Variants in EPB41L3 observed in about 807,000 individuals in gnomAD.
EPB41L3 encodes the protein band 4.1-like protein 3.
In EPB41L3, 57 loss-of-function variants were observed where a neutral mutation model predicts 127.1. The observed-to-expected ratio is 0.45, with a 90% CI of 0.36 to 0.56. EPB41L3 has a LOEUF of 0.56. Among genes scored for constraint, EPB41L3 ranks in the 20% least tolerant of loss-of-function variants. The pLI is 0.00. For synonymous variants in EPB41L3, 572 were observed against 549.5 expected (o/e 1.04, Z -0.57); for missense variants, 1,273 against 1,372.2 (o/e 0.93, Z 1.14).
At chr18:5,588,642 A>G (rs1440547937) in intron 3 of EPB41L3, among the ~76,000 whole-genome samples, 2 of 152,042 alleles carry the variant, frequency 1.3e-5, no homozygotes, top group African/African-American at 2.4e-5. Context: ...TTCAAATGAG[A>G]AAAGTACAGT....
intron 5 of EPB41L3, among the ~76,000 whole-genome samples, chr18:5,441,838 C>A (rs1442039906): frequency 1.3e-5 from 2 of 152,124 alleles, no homozygotes; most frequent in Non-Finnish European, 2.9e-5. Context: ...TTCTTTATGG[C>A]AAAGTCATAT....
intron 1 of EPB41L3, among the ~76,000 whole-genome samples, chr18:5,622,951 ATTTTTTTTTTT>A (rs10622515): frequency 3.9e-5 from 3 of 76,054 alleles, no homozygotes; most frequent in Non-Finnish European, 6.9e-5. Context: ...CATAATGCTG[ATTTTTTTTTTT>A]TTTTTTTTTT....
At chr18:5,621,589 A>C (rs1002624858) in intron 1 of EPB41L3, among the ~76,000 whole-genome samples, 2 of 152,140 alleles carry the variant, frequency 1.3e-5, no homozygotes, top group Non-Finnish European at 2.9e-5. Context: ...AGTAAGAAAA[A>C]AAATAGCGAG....
Position 5,480,278 on chromosome 18 carries a change from T to A in EPB41L3, c.184-1840A>T, listed in dbSNP as rs952921388. On this transcript the variant is annotated intron_variant, in intron 2 of 22. Coordinates refer to ENST00000341928, the MANE Select transcript of EPB41L3 (RefSeq NM_012307.5). ...CACTAAGGCCCTTACATACATTTTT[T>A]AAAAAAACTTTAAGAACTCAAAAAT... 3.9e-5 allele frequency among the ~76,000 whole-genome samples: 6 copies of A among 152,134 alleles called. No individual in the cohort carries two copies. In the South Asian group the frequency reaches 1.2e-3, roughly 32 times the overall value.
At chr18:5,503,580 G>C (rs2091920559) in intron 1 of EPB41L3, among the ~76,000 whole-genome samples, 1 of 152,204 alleles carries the variant, frequency 6.6e-6, no homozygotes, top group South Asian at 2.1e-4. Flanking sequence ...TAAGCACACA[G>C]GTGATTCTTC....
chr18:5,393,889 A>C (rs1042471320), intron 22 of EPB41L3: 5 of 173,002 alleles, frequency 2.9e-5, no homozygotes, highest in Non-Finnish European at 6.1e-5. Flanking sequence ...TTCAGCATTC[A>C]AAGCCCTCTC....
intron 16 of EPB41L3, among the ~76,000 whole-genome samples, chr18:5,404,171 C>T (rs1339312642): frequency 6.6e-6 from 1 of 152,168 alleles, no homozygotes; most frequent in Admixed American, 6.5e-5. Flanking sequence ...AGCACCCTGA[C>T]ACCTAAAGAG....
intron 1 of EPB41L3, among the ~76,000 whole-genome samples, chr18:5,496,341 C>T (rs1307794597): frequency 1.3e-5 from 2 of 152,222 alleles, no homozygotes; most frequent in African/African-American, 2.4e-5. Flanking sequence ...TTCTGAAACA[C>T]CAAGAATCTT....
At chr18:5,426,624 T>G (rs1032328707) in intron 9 of EPB41L3, among the ~76,000 whole-genome samples, 3 of 152,252 alleles carry the variant, frequency 2.0e-5, no homozygotes, top group Admixed American at 6.5e-5. Context: ...GATTCATTTC[T>G]CTAGCTCTCC....
chr18:5,588,000 C>T lies in EPB41L3; in HGVS notation c.-306+24340G>A, dbSNP rs190837926. Among the ~76,000 whole-genome samples the T allele has an allele frequency of 3.0e-4, 45 of 152,310 alleles. No homozygotes were observed. The East Asian group carries it at 8.3e-3, about 28-fold the overall frequency. ...ATCAGATCACGCAAAAGAACGCTAA[C>T]ATGGCACACTTTAAAACAATATTCA... On this transcript the variant is annotated intron_variant, in intron 3 of 21. Transcript: ENST00000545076.
intron 4 of EPB41L3, 138 bp from the exon 5 acceptor site, chr18:5,444,018 C>A: frequency 4.5e-6 from 3 of 671,762 alleles, no homozygotes; most frequent in Non-Finnish European, 7.5e-6. Context: ...GTCCTTCCCC[C>A]ACATCTGGTG....
chr18:5,487,756 A>G (rs2090007191), intron 2 of EPB41L3, among the ~76,000 whole-genome samples: 1 of 151,610 alleles, frequency 6.6e-6, no homozygotes, highest in Non-Finnish European at 1.5e-5. Context: ...TGAGCCACTG[A>G]GCCCGGCCTC....
intron 3 of EPB41L3, among the ~76,000 whole-genome samples, chr18:5,601,474 C>A (rs1239145140): frequency 6.6e-6 from 1 of 152,210 alleles, no homozygotes; most frequent in Non-Finnish European, 1.5e-5. Context: ...AGGGATCTGT[C>A]AGTTCACTGT....
chr18:5,505,793 C>A (rs2092136263), intron 1 of EPB41L3, among the ~76,000 whole-genome samples: 1 of 132,070 alleles, frequency 7.6e-6, no homozygotes, highest in Admixed American at 7.4e-5. Context: ...TCCCTCCACA[C>A]CTTCACCTCC....
chr18:5,497,132 A>G (rs1319683241), intron 1 of EPB41L3, among the ~76,000 whole-genome samples: 1 of 152,202 alleles, frequency 6.6e-6, no homozygotes, highest in Admixed American at 6.5e-5. Flanking sequence ...AGGAATGAAA[A>G]GAAGGCCAGG....
intron 1 of EPB41L3, among the ~76,000 whole-genome samples, chr18:5,530,987 G>A (rs1300259340): frequency 6.6e-6 from 1 of 152,192 alleles, no homozygotes; most frequent in Non-Finnish European, 1.5e-5. Flanking sequence ...GGCACAGGCT[G>A]CAGAGCAGAG....
chr18:5,546,424 A>G (rs1020034179), upstream of EPB41L3, among the ~76,000 whole-genome samples: 2 of 151,978 alleles, frequency 1.3e-5, no homozygotes, highest in African/African-American at 4.8e-5. Flanking sequence ...CCAGCTACTC[A>G]GGAGGCTGAG....
Position 5,553,371 on chromosome 18 carries a change from G to A in EPB41L3, c.-306+58969C>T, listed in dbSNP as rs375336658. 2.0e-5 allele frequency among the ~76,000 whole-genome samples: 3 copies of A among 152,246 alleles called. No homozygotes were observed. In the East Asian group the frequency reaches 5.8e-4, roughly 29 times the overall value. On this transcript the variant is annotated intron_variant, in intron 3 of 21. Coordinates refer to the EPB41L3 transcript ENST00000545076. ...AAAACTGAGGCAAATGAGAGGTTGA[G>A]TAGCTTGTCTCAGGCCTCATATTTG...
chr18:5,409,074 C>T (rs1187573483), intron 14 of EPB41L3, among the ~76,000 whole-genome samples: 1 of 152,190 alleles, frequency 6.6e-6, no homozygotes, highest in East Asian at 1.9e-4. Flanking sequence ...TCTACACTGA[C>T]CACTGTTGTG....
Sources: allele counts gnomAD v4.1 joint callset (sites outside exome capture counted in the v4.1 genomes callset), GRCh38; gene constraint gnomAD v4.1.1; transcripts MANE v1.5; gene names NCBI Gene and HGNC (gene_info 2026-07-23, HGNC 2026-07-21).